The following STPG2 variants were observed in gnomAD, a reference collection of about 807,000 sequenced individuals.
STPG2 encodes sperm-tail PG-rich repeat-containing protein 2.
Under a neutral mutation model 54.2 loss-of-function variants are expected in STPG2, and 56 were observed. That is an observed-to-expected ratio of 1.03 (90% CI 0.83 to 1.29). The LOEUF (loss-of-function observed/expected upper bound fraction) is 1.29, where lower values mean the gene tolerates loss of function less well. Ranked by LOEUF, STPG2 falls within the 50% of genes most tolerant of loss-of-function variation. The pLI is 0.00. For missense variants in STPG2, 596 were observed against 544.9 expected (o/e 1.09, Z -0.93); for synonymous variants, 200 against 181.8 (o/e 1.10, Z -0.81).
intron 9 of STPG2, among the ~76,000 whole-genome samples, chr4:97,810,821 G>C (rs1727712178): frequency 6.6e-6 from 1 of 152,076 alleles, no homozygotes; most frequent in Non-Finnish European, 1.5e-5. Context: ...AATTATCACA[G>C]GATAAGCAAG....
At chr4:97,546,958 A>G (rs1209328121) in intron 4 of STPG2, among the ~76,000 whole-genome samples, 11 of 152,206 alleles carry the variant, frequency 7.2e-5, no homozygotes, top group African/African-American at 2.4e-4. Context: ...ATATAATCCA[A>G]ATTTAGGGCA....
intron 5 of STPG2, among the ~76,000 whole-genome samples, chr4:98,018,391 C>A (rs972368078): frequency 6.6e-6 from 1 of 152,136 alleles, no homozygotes; most frequent in Admixed American, 6.5e-5. Flanking sequence ...TGTATATGTG[C>A]CAGATTTTCT....
At chr4:97,567,219 C>CAT (rs1445588188) in intron 10 of STPG2, among the ~76,000 whole-genome samples, 1 of 151,042 alleles carries the variant, frequency 6.6e-6, no homozygotes, top group Non-Finnish European at 1.5e-5. Flanking sequence ...CATACACACA[C>CAT]ACACACCCTT....
intron 9 of STPG2, among the ~76,000 whole-genome samples, chr4:97,815,820 G>C (rs965750154): frequency 1.3e-5 from 2 of 152,146 alleles, no homozygotes; most frequent in Non-Finnish European, 2.9e-5. Flanking sequence ...ACAAGAGGTA[G>C]ACTTGTGATA....
intron 9 of STPG2, among the ~76,000 whole-genome samples, chr4:97,742,484 C>T (rs1314297298): frequency 6.7e-6 from 1 of 149,120 alleles, no homozygotes; most frequent in Admixed American, 6.7e-5. Flanking sequence ...GATATGGGAA[C>T]AACCTAATTG....
chr4:97,639,899 C>T (rs1721706774), intron 10 of STPG2, among the ~76,000 whole-genome samples: 1 of 151,872 alleles, frequency 6.6e-6, no homozygotes, highest in Non-Finnish European at 1.5e-5. Context: ...AAGTTAATAA[C>T]TATTTAGCCT....
chr4:97,821,591 G>T (rs1728093109), intron 9 of STPG2, among the ~76,000 whole-genome samples: 1 of 152,188 alleles, frequency 6.6e-6, no homozygotes, highest in Admixed American at 6.5e-5. Context: ...TCTCTGTGAG[G>T]GCTCCACCCT....
At chr4:97,670,567 T>C (rs953863249) in intron 10 of STPG2, among the ~76,000 whole-genome samples, 4 of 152,234 alleles carry the variant, frequency 2.6e-5, no homozygotes, top group Non-Finnish European at 5.9e-5. Context: ...CAAAGCATTC[T>C]TTTGCAGCAG....
intron 7 of STPG2, among the ~76,000 whole-genome samples, chr4:97,947,912 G>C (rs1209916765): frequency 6.6e-6 from 1 of 151,984 alleles, no homozygotes; most frequent in African/African-American, 2.4e-5. Context: ...GGTAACACTG[G>C]CTTAACAGAA....
chr4:97,464,209 G>T lies in STPG2; in HGVS notation c.462+248490C>A, dbSNP rs540986903. On this transcript the variant is annotated intron_variant, in intron 4 of 4. Transcript: ENST00000522676. Reference sequence around the variant, plus strand: ...TTTATAAAAAGTTTGTGAAATATTTGGGGGAAAAACATAAAAATGCAATAC... The same window carrying T: ...TTTATAAAAAGTTTGTGAAATATTTTGGGGAAAAACATAAAAATGCAATAC... Among the ~76,000 whole-genome samples, 24 of 152,138 alleles carry T rather than the reference G, an allele frequency of 1.6e-4. 1 individual carries two copies. In the South Asian group the frequency reaches 3.5e-3, roughly 22 times the overall value.
At chr4:97,803,505 C>A (rs1560535112) in intron 9 of STPG2, among the ~76,000 whole-genome samples, 1 of 152,114 alleles carries the variant, frequency 6.6e-6, no homozygotes, top group Non-Finnish European at 1.5e-5. Context: ...AGGACCCAGG[C>A]TGTCAATGGC....
intron 4 of STPG2, among the ~76,000 whole-genome samples, chr4:97,532,929 C>A (rs1578367506): frequency 6.6e-6 from 1 of 152,126 alleles, no homozygotes; most frequent in African/African-American, 2.4e-5. Flanking sequence ...GTCACCCAGG[C>A]TGGAGCGCAG....
At chr4:97,903,767 C>A (rs1379577902) in intron 8 of STPG2, among the ~76,000 whole-genome samples, 1 of 152,230 alleles carries the variant, frequency 6.6e-6, no homozygotes, top group Non-Finnish European at 1.5e-5. Context: ...CGAAGCAGGG[C>A]GAGACATTGC....
At chr4:98,013,634 C>A (rs895420556) in intron 5 of STPG2, among the ~76,000 whole-genome samples, 2 of 125,438 alleles carry the variant, frequency 1.6e-5, no homozygotes, top group African/African-American at 6.2e-5. Context: ...TAATTACTGC[C>A]TCAATTTCAG....
chr4:97,592,391 T>A (rs892985052), intron 10 of STPG2, among the ~76,000 whole-genome samples: 6 of 152,174 alleles, frequency 3.9e-5, no homozygotes, highest in Non-Finnish European at 8.8e-5. Context: ...TGCCAATATG[T>A]TTTTTGAGAT....
intron 9 of STPG2, among the ~76,000 whole-genome samples, chr4:97,726,453 T>C (rs1235941566): frequency 6.6e-6 from 1 of 151,918 alleles, no homozygotes; most frequent in Non-Finnish European, 1.5e-5. Flanking sequence ...TACGTGTATT[T>C]TGCTACAGTT....
chr4:97,787,092 A>C (rs959058523), intron 9 of STPG2, among the ~76,000 whole-genome samples: 3 of 152,084 alleles, frequency 2.0e-5, no homozygotes, highest in African/African-American at 7.2e-5. Context: ...GAATTTACTA[A>C]TTAGTTCTAG....
intron 5 of STPG2, among the ~76,000 whole-genome samples, chr4:98,042,773 T>C (rs1201057807): frequency 6.6e-6 from 1 of 152,006 alleles, no homozygotes; most frequent in African/African-American, 2.4e-5. Context: ...AAAATGTATA[T>C]ATTCTGCAGT....
At chr4:97,475,165 T>C (rs964883183) in intron 4 of STPG2, among the ~76,000 whole-genome samples, 1 of 151,988 alleles carries the variant, frequency 6.6e-6, no homozygotes, top group African/African-American at 2.4e-5. Context: ...TTCTAAAACA[T>C]AGATTTTGCT....
Sources: allele counts gnomAD v4.1 joint callset (sites outside exome capture counted in the v4.1 genomes callset), GRCh38; gene constraint gnomAD v4.1.1; transcripts MANE v1.5; gene names NCBI Gene and HGNC (gene_info 2026-07-23, HGNC 2026-07-21).